Variants in LAMA3 observed in about 807,000 individuals in gnomAD.
LAMA3 encodes laminin subunit alpha 3, also known as laminin subunit alpha-3.
In LAMA3, 281 loss-of-function variants were observed where a neutral mutation model predicts 402.0. That is an observed-to-expected ratio of 0.70 (90% CI 0.63 to 0.77). The LOEUF (loss-of-function observed/expected upper bound fraction) is 0.77, where lower values mean the gene tolerates loss of function less well. Ranked by LOEUF, LAMA3 falls within the 30% of genes least tolerant of loss-of-function variation. The pLI is 0.00. For synonymous variants in LAMA3, 1,431 were observed against 1,558.4 expected (o/e 0.92, Z 1.93); for missense variants, 3,840 against 4,215.5 (o/e 0.91, Z 2.47).
intron 12 of LAMA3, among the ~76,000 whole-genome samples, chr18:23,794,544 G>A (rs902122911): frequency 6.6e-6 from 1 of 152,128 alleles, no homozygotes; most frequent in Non-Finnish European, 1.5e-5. Context: ...TGGGATTTTG[G>A]CCTGAATCAG....
chr18:23,813,221 A>T (rs1022979127), intron 14 of LAMA3, 118 bp downstream of exon 14: 6 of 723,502 alleles, frequency 8.3e-6, no homozygotes, highest in Non-Finnish European at 1.5e-5. Context: ...TAAATTGCTT[A>T]AAGAGGTCAT....
At chr18:23,882,627 AAAAC>A (rs1462707077) in intron 40 of LAMA3, among the ~76,000 whole-genome samples, 1 of 151,490 alleles carries the variant, frequency 6.6e-6, no homozygotes, top group Non-Finnish European at 1.5e-5. Context: ...AAAAAAAAAG[AAAAC>A]AAACAGAAAC....
At chr18:23,841,141 G>C (rs899796093) in intron 27 of LAMA3, among the ~76,000 whole-genome samples, 9 of 152,154 alleles carry the variant, frequency 5.9e-5, no homozygotes. Context: ...GAATAATAGG[G>C]GGAAATGAGT....
chr18:23,796,778 G>A (rs993005012), intron 12 of LAMA3, among the ~76,000 whole-genome samples: 27 of 152,044 alleles, frequency 1.8e-4, no homozygotes, highest in South Asian at 6.2e-4. Context: ...GAGCTCAAGC[G>A]ATTCCCCCAC....
At chr18:23,821,872 C>T (rs1247328595) in intron 19 of LAMA3, among the ~76,000 whole-genome samples, 1 of 152,202 alleles carries the variant, frequency 6.6e-6, no homozygotes, top group African/African-American at 2.4e-5. Flanking sequence ...AATACCCTCT[C>T]CTTTCCTTCT....
intron 39 of LAMA3, among the ~76,000 whole-genome samples, chr18:23,878,884 G>A (rs755058742): frequency 4.6e-5 from 7 of 152,088 alleles, no homozygotes; most frequent in Non-Finnish European, 1.0e-4. Flanking sequence ...GGGTGCCACC[G>A]TCCAGAGGGA....
At chr18:23,954,460 A>T in intron 74 of LAMA3, 43 bp from the exon 75 acceptor site, 1 of 1,520,510 alleles carries the variant, frequency 6.6e-7, no homozygotes, top group Non-Finnish European at 9.1e-7. Context: ...GTCCCTGGAC[A>T]GTATGAATTA....
At chr18:23,889,847 G>A (rs1236699129) in intron 41 of LAMA3, among the ~76,000 whole-genome samples, 164 bp from the exon 42 acceptor site, 2 of 152,078 alleles carry the variant, frequency 1.3e-5, no homozygotes, top group East Asian at 3.9e-4. Flanking sequence ...CAATTCAAGG[G>A]GTAAATACCT....
chr18:23,781,575 G>A (rs58215352), intron 11 of LAMA3, among the ~76,000 whole-genome samples: 3,089 of 152,318 alleles, frequency 0.02, 110 homozygotes, highest in African/African-American at 0.07. Flanking sequence ...GAACAATGAA[G>A]TATGAAGTGT....
chr18:23,950,967 C>G (rs538413061), intron 72 of LAMA3, among the ~76,000 whole-genome samples: 3 of 152,124 alleles, frequency 2.0e-5, no homozygotes, highest in Admixed American at 6.6e-5. Context: ...AATCAAGACC[C>G]GATGACCTTC....
At chr18:23,800,960 T>G (rs2062855203) in intron 12 of LAMA3, among the ~76,000 whole-genome samples, 1 of 152,218 alleles carries the variant, frequency 6.6e-6, no homozygotes, top group African/African-American at 2.4e-5. Flanking sequence ...CTTCATATCT[T>G]GATTATTGTG....
chr18:23,717,517 A>G (rs1329380426), intron 2 of LAMA3, among the ~76,000 whole-genome samples: 1 of 150,862 alleles, frequency 6.6e-6, no homozygotes, highest in Non-Finnish European at 1.5e-5. Context: ...TTTGACAAAT[A>G]AAAACATTAC....
intron 6 of LAMA3, among the ~76,000 whole-genome samples, chr18:23,757,740 A>T (rs957330492): frequency 1.3e-5 from 2 of 152,226 alleles, no homozygotes; most frequent in Non-Finnish European, 2.9e-5. Flanking sequence ...CAAAGCTTGG[A>T]GTTCCAACCC....
intron 42 of LAMA3, among the ~76,000 whole-genome samples, chr18:23,893,939 A>G (rs1274848202): frequency 2.6e-5 from 4 of 152,202 alleles, no homozygotes; most frequent in African/African-American, 9.6e-5. Context: ...TTGATTTGAT[A>G]AGAAAACATG....
rs1009870266 is a variant in LAMA3, at chr18:23,813,840, C to G, written c.1789-563C>G. Among the ~76,000 whole-genome samples, 3 of 152,118 alleles carry G rather than the reference C, an allele frequency of 2.0e-5. No individual in the cohort carries two copies. The East Asian group carries it at 5.8e-4, about 29-fold the overall frequency. ...TACAGGCGTGAGCTACCACACCCGG[C>G]CTATTCTGAACAATTTTCTGAGATA... On this transcript the variant is annotated intron_variant, in intron 14 of 74. Coordinates refer to ENST00000313654, the MANE Select transcript of LAMA3 (RefSeq NM_198129.4).
intron 62 of LAMA3, among the ~76,000 whole-genome samples, chr18:23,924,263 T>C (rs571478220): frequency 3.3e-5 from 5 of 152,306 alleles, no homozygotes; most frequent in Admixed American, 6.5e-5. Flanking sequence ...GTGATTCTCC[T>C]ACCTTGGCCT....
At chr18:23,703,104 C>T (rs1598608896) in intron 1 of LAMA3, among the ~76,000 whole-genome samples, 1 of 152,190 alleles carries the variant, frequency 6.6e-6, no homozygotes, top group East Asian at 1.9e-4. Flanking sequence ...GTCGTCACTG[C>T]CTCTGAGGTT....
chr18:23,702,122 A>G (rs570180084), intron 1 of LAMA3, among the ~76,000 whole-genome samples: 5 of 152,062 alleles, frequency 3.3e-5, no homozygotes, highest in Non-Finnish European at 7.4e-5. Context: ...TTTGTAGATT[A>G]TGAAGATGAG....
chr18:23,741,491 TA>T (rs200111879), intron 2 of LAMA3, among the ~76,000 whole-genome samples: 7,692 of 152,192 alleles, frequency 0.051, 458 homozygotes, highest in Admixed American at 0.17. Flanking sequence ...TCTTCTCAAT[TA>T]AAAAAACTCT....
Sources: gnomAD v4.1 joint callset for allele counts (sites outside exome capture counted in the v4.1 genomes callset) on GRCh38, gnomAD v4.1.1 for gene constraint, MANE v1.5 for transcripts, NCBI Gene and HGNC (gene_info 2026-07-23, HGNC 2026-07-21) for gene names.